The following EPB41L4A variants were observed in gnomAD, a reference collection of about 807,000 sequenced individuals.
EPB41L4A encodes erythrocyte membrane protein band 4.1 like 4A.
A neutral mutation model predicts 108.6 loss-of-function variants in EPB41L4A; 100 were observed. The observed-to-expected ratio is 0.92, with a 90% confidence interval of 0.78 to 1.09. EPB41L4A has a LOEUF of 1.09. Ranked by LOEUF, EPB41L4A falls within the 50% of genes least tolerant of loss-of-function variation. The pLI is 0.00. For synonymous variants in EPB41L4A, 319 were observed against 289.0 expected (o/e 1.10, Z -1.05); for missense variants, 1,030 against 842.7 (o/e 1.22, Z -2.75).
intron 6 of EPB41L4A, chr5:112,264,462 T>A (rs1751707579): frequency 6.5e-6 from 1 of 153,232 alleles, no homozygotes. Flanking sequence ...AATGCATTTA[T>A]GGTTAAAAAT....
Position 112,169,015 on chromosome 5 carries a change from T to A in EPB41L4A, c.1830A>T (p.Arg610=), listed in dbSNP as rs766832104. 1 of 1,613,760 alleles carries A rather than the reference T, an allele frequency of 6.2e-7. No homozygotes were observed. Among genetic ancestry groups the A allele is most frequent in the Non-Finnish European group, 8.5e-7 (1 of 1,179,664 alleles). Residue 610 remains arginine, a synonymous_variant, in exon 21 of 23, where the codon CGA becomes CGT. Coordinates refer to ENST00000261486, the MANE Select transcript of EPB41L4A (RefSeq NM_022140.5). ...CTTACTTCACTTCCGAGAGAACTGA[T>A]CGCTCCCCATCTGAACACTGGGACC... The part of the protein sequence containing the change: ...YRRSQCSDGE[R]SVLSEVNSKT...
chr5:112,214,497 C>G (rs893024672), intron 12 of EPB41L4A, among the ~76,000 whole-genome samples: 97 of 152,370 alleles, frequency 6.4e-4, no homozygotes, highest in Admixed American at 1.2e-3. Context: ...GGCGCGGCGG[C>G]TCACGCCTGT....
intron 17 of EPB41L4A, among the ~76,000 whole-genome samples, chr5:112,185,065 G>C (rs1011231888): frequency 6.7e-6 from 1 of 149,680 alleles, no homozygotes; most frequent in Non-Finnish European, 1.5e-5. Context: ...ATACTGTCTT[G>C]AATGCACCAC....
chr5:112,170,836 C>G, intron 19 of EPB41L4A, 109 bp downstream of exon 19: 2 of 938,012 alleles, frequency 2.1e-6, no homozygotes, highest in South Asian at 2.9e-5. Flanking sequence ...GTGGCAATGG[C>G]TTTGGCAGGC....
intron 1 of EPB41L4A, among the ~76,000 whole-genome samples, chr5:112,381,627 T>A (rs933427508): frequency 6.6e-6 from 1 of 152,256 alleles, no homozygotes; most frequent in African/African-American, 2.4e-5. Flanking sequence ...GCTCACAAAG[T>A]GAGCCAAATC....
chr5:112,169,034 T>C lies in EPB41L4A; in HGVS notation c.1811A>G (p.Gln604Arg), dbSNP rs777398758. The C allele has an allele frequency of 3.7e-6, 6 of 1,614,004 alleles. No homozygotes were observed. In the African/African-American group the frequency reaches 8.0e-5, roughly 22 times the overall value. Reference protein sequence around the residue: ...PRSYRQYRRSQCSDGERSVLS... With the variant: ...PRSYRQYRRSRCSDGERSVLS... ...AACTGATCGCTCCCCATCTGAACACTGGGACCTGCGATACTGGCGGTAACT... is the reference window on the plus strand; with the variant it reads ...AACTGATCGCTCCCCATCTGAACACCGGGACCTGCGATACTGGCGGTAACT... Residue 604 changes from glutamine to arginine, a missense_variant, in exon 21 of 23, where the codon CAG becomes CGG. Transcript: ENST00000261486.
At chr5:112,375,603 G>C (rs182293890) in intron 1 of EPB41L4A, among the ~76,000 whole-genome samples, 1 of 152,248 alleles carries the variant, frequency 6.6e-6, no homozygotes, top group Admixed American at 6.5e-5. Flanking sequence ...ATTCTTCAAT[G>C]ATCAGTCATA....
chr5:112,231,030 AATG>A (rs1748878831), intron 12 of EPB41L4A, among the ~76,000 whole-genome samples: 1 of 152,250 alleles, frequency 6.6e-6, no homozygotes. Context: ...TTAGAATAAA[AATG>A]ATGAATACAC....
chr5:112,287,631 T>C (rs1197583212), intron 2 of EPB41L4A, among the ~76,000 whole-genome samples: 1 of 152,188 alleles, frequency 6.6e-6, no homozygotes, highest in Non-Finnish European at 1.5e-5. Flanking sequence ...TAATAACCTA[T>C]AAGGCCTTCC....
chr5:112,208,953 G>C (rs1382033451), intron 13 of EPB41L4A, among the ~76,000 whole-genome samples: 2 of 152,138 alleles, frequency 1.3e-5, no homozygotes, highest in Non-Finnish European at 2.9e-5. Flanking sequence ...CATCCTAAAA[G>C]GAGAACCAGT....
At chr5:112,346,950 G>C (rs566851881) in intron 1 of EPB41L4A, among the ~76,000 whole-genome samples, 28 of 152,240 alleles carry the variant, frequency 1.8e-4, no homozygotes, top group African/African-American at 6.3e-4. Context: ...AAGGATCTGG[G>C]AGTAGGCGCC....
intron 1 of EPB41L4A, among the ~76,000 whole-genome samples, chr5:112,319,891 G>A (rs755274040): frequency 1.3e-5 from 2 of 152,114 alleles, no homozygotes; most frequent in South Asian, 2.1e-4. Flanking sequence ...GGGGTATTAT[G>A]TATTAAAGCA....
At chr5:112,391,013 A>C (rs1329439193) in intron 1 of EPB41L4A, among the ~76,000 whole-genome samples, 1 of 152,250 alleles carries the variant, frequency 6.6e-6, no homozygotes, top group East Asian at 1.9e-4. Flanking sequence ...ACAAACAGAA[A>C]GGAATAGCAT....
chr5:112,310,610 T>TGA (rs879532154), intron 1 of EPB41L4A, among the ~76,000 whole-genome samples: 1 of 152,240 alleles, frequency 6.6e-6, no homozygotes, highest in Admixed American at 6.5e-5. Context: ...GACTAACAGT[T>TGA]TTATCAAGTT....
chr5:112,215,762 C>CAAAAAAAAAAAAAAAAAAAAA (rs374126290), intron 12 of EPB41L4A, among the ~76,000 whole-genome samples: 2 of 101,386 alleles, frequency 2.0e-5, no homozygotes, highest in Non-Finnish European at 3.7e-5. Context: ...GACTCCATCT[C>CAAAAAAAAAAAAAAAAAAAAA]AAAAAAAAAA....
chr5:112,280,619 A>T (rs1752909133), intron 2 of EPB41L4A, among the ~76,000 whole-genome samples: 3 of 152,204 alleles, frequency 2.0e-5, no homozygotes, highest in African/African-American at 7.2e-5. Context: ...GCATGACCCC[A>T]TCTTTTAAAA....
At chr5:112,197,276 G>C (rs1326512048) in intron 15 of EPB41L4A, among the ~76,000 whole-genome samples, 2 of 152,140 alleles carry the variant, frequency 1.3e-5, no homozygotes, top group Non-Finnish European at 2.9e-5. Context: ...TTGGAGAGTG[G>C]TGTCTATGCC....
chr5:112,384,028 A>G (rs1760340058), intron 1 of EPB41L4A, among the ~76,000 whole-genome samples: 1 of 152,222 alleles, frequency 6.6e-6, no homozygotes, highest in African/African-American at 2.4e-5. Flanking sequence ...AACATATTAT[A>G]TGATTCCATT....
chr5:112,389,432 G>T (rs150497263), intron 1 of EPB41L4A, among the ~76,000 whole-genome samples: 5 of 152,138 alleles, frequency 3.3e-5, no homozygotes, highest in Non-Finnish European at 7.3e-5. Context: ...GTTGTTATCT[G>T]ACCTTTTCAG....
Sources: allele counts gnomAD v4.1 joint callset (sites outside exome capture counted in the v4.1 genomes callset), GRCh38; gene constraint gnomAD v4.1.1; transcripts MANE v1.5; gene names NCBI Gene and HGNC (gene_info 2026-07-23, HGNC 2026-07-21).